The following COG5 variants were observed in gnomAD, a reference collection of about 807,000 sequenced individuals.
COG5 encodes the protein conserved oligomeric Golgi complex subunit 5.
Under a neutral mutation model 110.4 loss-of-function variants are expected in COG5, and 86 were observed. The observed-to-expected ratio is 0.78, with a 90% CI of 0.65 to 0.93. COG5 has a LOEUF of 0.93. Among genes scored for constraint, COG5 ranks in the 40% least tolerant of loss-of-function variants. The pLI, the probability that COG5 is intolerant of heterozygous loss-of-function variation, is 0.00. For synonymous variants in COG5, 360 were observed against 334.6 expected, an observed-to-expected ratio of 1.08 and a Z score of -0.83; for missense variants, 1,077 against 987.0, an observed-to-expected ratio of 1.09 and a Z score of -1.22.
chr7:107,445,133 C>T lies in COG5; in HGVS notation c.539-32501G>A, dbSNP rs1162740943. 3.3e-5 allele frequency among the ~76,000 whole-genome samples: 5 copies of T among 151,712 alleles called. No homozygotes were observed. In the East Asian group the frequency reaches 7.8e-4, roughly 24 times the overall value. ...CCAGGAGTTCCTGAGCCCAGGAGCTCGAAGCTGCAGTGAGCCGTGATTAGG... is the reference window on the plus strand; with the variant it reads ...CCAGGAGTTCCTGAGCCCAGGAGCTTGAAGCTGCAGTGAGCCGTGATTAGG... On this transcript the variant is annotated intron_variant, in intron 6 of 21. Coordinates refer to ENST00000297135, the MANE Select transcript of COG5 (RefSeq NM_006348.5).
rs998782085 is a variant in COG5 at position 107,563,553 on chromosome 7, G to T, written c.94+250C>A. 35 of 500,734 alleles carry T rather than the reference G, an allele frequency of 7.0e-5. 3 individuals are homozygous for T. Among genetic ancestry groups the T allele is most frequent in the African/African-American group, 1.4e-4 (7 of 51,556 alleles). 31.0% of individuals were successfully genotyped at this position (500,734 alleles called of 1,614,324 possible). The stretch of plus-strand genomic sequence containing the variant: ...AGGGAAGCTGGAGGCATGGGGGGGG[G>T]GGGGGTCGAGTTGAAATGAGGAACA... On this transcript the variant is annotated intron_variant, in intron 1 of 21. Transcript: ENST00000297135.
chr7:107,398,286 G>A (rs1391798713), intron 7 of COG5, among the ~76,000 whole-genome samples: 1 of 152,108 alleles, frequency 6.6e-6, no homozygotes, highest in East Asian at 1.9e-4. Context: ...AAAAACAATG[G>A]ACTATTTATA....
intron 10 of COG5, among the ~76,000 whole-genome samples, chr7:107,348,708 C>T (rs1811858336): frequency 1.3e-5 from 2 of 152,174 alleles, no homozygotes; most frequent in African/African-American, 2.4e-5. Flanking sequence ...ACACGAGACA[C>T]ATTTACTTTA....
At chr7:107,232,592 G>A (rs912048111) in intron 18 of COG5, among the ~76,000 whole-genome samples, 2 of 152,156 alleles carry the variant, frequency 1.3e-5, no homozygotes, top group African/African-American at 2.4e-5. Flanking sequence ...ATATGACCTC[G>A]AATGGCTGGA....
rs568499342 is a variant in COG5 at position 107,415,816 on chromosome 7, A to G, written c.539-3184T>C. 7.4e-3 allele frequency among the ~76,000 whole-genome samples: 760 copies of G among 102,662 alleles called. 34 individuals are homozygous for G. Among genetic ancestry groups the G allele is most frequent in the African/African-American group, 0.022 (702 of 31,496 alleles). The allele number at this position is 102,662 out of a possible 152,430, so 67.4% of individuals were successfully genotyped here. The stretch of plus-strand genomic sequence containing the variant: ...TGTATGTATGTGTGTATATATACAC[A>G]CATACACGTATGTATGTATGTGTGT... On this transcript the variant is annotated intron_variant, in intron 6 of 21. Transcript: ENST00000297135.
chr7:107,372,840 C>T, intron 7 of COG5, 80 bp from the exon 8 acceptor site: 1 of 1,378,292 alleles, frequency 7.3e-7, no homozygotes, highest in Non-Finnish European at 1.0e-6. Flanking sequence ...CAACTTTAAG[C>T]AGGACTTCAG....
At chr7:107,457,188 G>GT (rs1254609706) in intron 6 of COG5, among the ~76,000 whole-genome samples, 1 of 148,506 alleles carries the variant, frequency 6.7e-6, no homozygotes, top group Non-Finnish European at 1.5e-5. Context: ...GAGAGAAATT[G>GT]TAACTATAGA....
At chr7:107,477,865 T>C (rs1053516283) in intron 6 of COG5, among the ~76,000 whole-genome samples, 1 of 151,918 alleles carries the variant, frequency 6.6e-6, no homozygotes, top group Non-Finnish European at 1.5e-5. Flanking sequence ...TTTCTTTACG[T>C]TGGTCTTCAT....
chr7:107,537,745 AAAAG>A (rs929275338), intron 5 of COG5, among the ~76,000 whole-genome samples: 12 of 151,928 alleles, frequency 7.9e-5, no homozygotes, highest in African/African-American at 2.9e-4. Context: ...ATTTAAAAAA[AAAAG>A]AAAGAAAAAA....
intron 7 of COG5, among the ~76,000 whole-genome samples, chr7:107,381,550 AT>A (rs1337417583): frequency 2.6e-4 from 39 of 152,306 alleles, no homozygotes; most frequent in Non-Finnish European, 1.5e-5. Context: ...ACATTTTGCA[AT>A]TCACAGACAA....
intron 13 of COG5, 67 bp downstream of exon 13, chr7:107,283,504 G>A: frequency 7.5e-7 from 1 of 1,340,498 alleles, no homozygotes; most frequent in East Asian, 2.3e-5. Context: ...AAAAGGTACT[G>A]CTATCATATA....
chr7:107,552,221 C>G (rs934861805), intron 3 of COG5, among the ~76,000 whole-genome samples: 3 of 152,112 alleles, frequency 2.0e-5, no homozygotes, highest in African/African-American at 7.2e-5. Context: ...AGCATGTTTT[C>G]AAGATTGCCA....
At chr7:107,300,663 T>C (rs1807180834) in intron 11 of COG5, among the ~76,000 whole-genome samples, 1 of 152,110 alleles carries the variant, frequency 6.6e-6, no homozygotes, top group Admixed American at 6.6e-5. Flanking sequence ...AATGCTGAGA[T>C]GAAGAAGACC....
At chr7:107,316,353 A>G (rs922755012) in intron 11 of COG5, among the ~76,000 whole-genome samples, 3 of 152,158 alleles carry the variant, frequency 2.0e-5, no homozygotes, top group Non-Finnish European at 2.9e-5. Context: ...TAAATGGGTG[A>G]CCTTGAAGAA....
At chr7:107,423,585 C>G (rs1793441080) in intron 6 of COG5, among the ~76,000 whole-genome samples, 1 of 151,652 alleles carries the variant, frequency 6.6e-6, no homozygotes, top group Non-Finnish European at 1.5e-5. Flanking sequence ...GAACATTATC[C>G]CTCAAGAGAT....
At chr7:107,354,507 T>C (rs1812457501) in intron 10 of COG5, among the ~76,000 whole-genome samples, 1 of 151,970 alleles carries the variant, frequency 6.6e-6, no homozygotes, top group East Asian at 1.9e-4. Flanking sequence ...TGAAACTCCA[T>C]CTCTACTAAA....
intron 6 of COG5, among the ~76,000 whole-genome samples, chr7:107,460,001 A>G (rs1296703588): frequency 6.6e-6 from 1 of 152,194 alleles, no homozygotes; most frequent in South Asian, 2.1e-4. Context: ...ACCTAAACAA[A>G]TTTAAAAGAA....
chr7:107,348,924 C>A (rs1811879943), intron 10 of COG5, among the ~76,000 whole-genome samples: 1 of 151,708 alleles, frequency 6.6e-6, no homozygotes, highest in South Asian at 2.1e-4. Context: ...TGCTGTGATG[C>A]CATTATAGCC....
At chr7:107,256,675 A>G in intron 16 of COG5, 57 bp downstream of exon 16, 2 of 1,242,482 alleles carry the variant, frequency 1.6e-6, no homozygotes, top group East Asian at 2.4e-5. Flanking sequence ...CCACTCAGCA[A>G]AACAAATAAT....
Sources: allele counts gnomAD v4.1 joint callset (sites outside exome capture counted in the v4.1 genomes callset), GRCh38; gene constraint gnomAD v4.1.1; transcripts MANE v1.5; gene names NCBI Gene and HGNC (gene_info 2026-07-23, HGNC 2026-07-21).